The following ANO3 variants were observed in gnomAD, a reference collection of about 807,000 sequenced individuals.
The protein encoded by ANO3 is anoctamin-3.
ANO3 carries 99 observed loss-of-function variants against 144.8 expected under a neutral mutation model. That is an observed-to-expected ratio of 0.68 (90% confidence interval 0.58 to 0.81). The LOEUF is 0.81. Among genes scored for constraint, ANO3 ranks in the 30% least tolerant of loss-of-function variants. The probability of loss-of-function intolerance (pLI) is 0.00; values close to 1 mark genes in which losing one functional copy is unlikely to be tolerated. For missense variants in ANO3, 905 were observed against 1,202.2 expected, an observed-to-expected ratio of 0.75 and a Z score of 3.66; for synonymous variants, 414 against 392.6, an observed-to-expected ratio of 1.05 and a Z score of -0.64.
At chr11:26,277,416 A>C (rs1187277948) in intron 1 of ANO3, among the ~76,000 whole-genome samples, 1 of 152,078 alleles carries the variant, frequency 6.6e-6, no homozygotes, top group African/African-American at 2.4e-5. Flanking sequence ...GAATTCTCAT[A>C]TTGTCATCTT....
At chr11:26,659,163 A>G (rs1853798523) in intron 26 of ANO3, among the ~76,000 whole-genome samples, 1 of 129,850 alleles carries the variant, frequency 7.7e-6, no homozygotes, top group Admixed American at 8.0e-5. Context: ...TTGTGTGTGT[A>G]TGTGTATATA....
chr11:26,295,732 A>G (rs1048512858), intron 1 of ANO3, among the ~76,000 whole-genome samples: 10 of 152,292 alleles, frequency 6.6e-5, no homozygotes, highest in African/African-American at 2.4e-4. Flanking sequence ...AATTTTAAAG[A>G]CGTTTTTAAA....
intron 1 of ANO3, among the ~76,000 whole-genome samples, chr11:26,198,841 C>T (rs1481328014): frequency 6.6e-6 from 1 of 152,150 alleles, no homozygotes; most frequent in Non-Finnish European, 1.5e-5. Context: ...TGAGCCAGTA[C>T]GTTTCTTAAT....
At chr11:26,446,174 C>G (rs1324898238) in intron 3 of ANO3, among the ~76,000 whole-genome samples, 9 of 152,162 alleles carry the variant, frequency 5.9e-5, no homozygotes, top group Non-Finnish European at 1.0e-4. Context: ...CCTAATATGA[C>G]TGTTTTAATC....
chr11:26,641,844 A>T (rs1298114305), intron 21 of ANO3, 52 bp from the exon 22 acceptor site: 4 of 1,568,508 alleles, frequency 2.6e-6, no homozygotes, highest in Non-Finnish European at 3.5e-6. Context: ...TACATTGTTA[A>T]CCAGATGCTT....
At chr11:26,527,385 T>C (rs1849189108) in intron 7 of ANO3, among the ~76,000 whole-genome samples, 3 of 152,184 alleles carry the variant, frequency 2.0e-5, no homozygotes. Flanking sequence ...AACCTTACTC[T>C]AGCCCACCCC....
chr11:26,565,306 C>G (rs1426369497), intron 14 of ANO3: 1 of 1,609,558 alleles, frequency 6.2e-7, no homozygotes, highest in South Asian at 1.1e-5. Flanking sequence ...CTTGGTTCCA[C>G]TATCAAGGGG....
chr11:26,399,898 T>C (rs542066717), intron 1 of ANO3, among the ~76,000 whole-genome samples: 50 of 152,180 alleles, frequency 3.3e-4, no homozygotes, highest in Admixed American at 9.2e-4. Flanking sequence ...ATACATTATA[T>C]TGGCTTTTGG....
intron 5 of ANO3, among the ~76,000 whole-genome samples, chr11:26,515,034 A>G (rs180690882): frequency 4.3e-4 from 66 of 152,042 alleles, no homozygotes; most frequent in Non-Finnish European, 7.5e-4. Flanking sequence ...AATTATATAC[A>G]TTTTTCCCAA....
intron 1 of ANO3, among the ~76,000 whole-genome samples, chr11:26,224,681 T>A (rs1030857110): frequency 6.6e-6 from 1 of 152,344 alleles, no homozygotes; most frequent in East Asian, 1.9e-4. Context: ...AGCATCCTTT[T>A]GTCAAGGCTT....
intron 1 of ANO3, among the ~76,000 whole-genome samples, chr11:26,206,999 G>T (rs1453654512): frequency 3.9e-5 from 6 of 152,060 alleles, no homozygotes; most frequent in Non-Finnish European, 8.8e-5. Flanking sequence ...TTGTATGAGG[G>T]ATCTAAAACA....
At chr11:26,469,681 A>C (rs1859713256) in intron 4 of ANO3, among the ~76,000 whole-genome samples, 1 of 151,942 alleles carries the variant, frequency 6.6e-6, no homozygotes, top group Admixed American at 6.6e-5. Flanking sequence ...TCAGTGTCAA[A>C]ATTCTGATAA....
At chr11:26,189,569 A>T (rs1211716875) in intron 1 of ANO3, among the ~76,000 whole-genome samples, 2 of 152,224 alleles carry the variant, frequency 1.3e-5, no homozygotes, top group Admixed American at 1.3e-4. Flanking sequence ...CAGTAAACTC[A>T]GAAAAATGTT....
At chr11:26,563,539 G>A (rs1057323970) in intron 14 of ANO3, among the ~76,000 whole-genome samples, 5 of 151,826 alleles carry the variant, frequency 3.3e-5, no homozygotes, top group Middle Eastern at 3.4e-3. Context: ...CTCTATAGCC[G>A]TGTCTTGTGT....
chr11:26,660,186 T>G lies in ANO3; in HGVS notation c.2764-76T>G, dbSNP rs1392586371. ...GCTTGATTCAAGGCAAATGCAACATTGTTCATTGTTGTACTGTTTTATAAT... is the reference window on the plus strand; with the variant it reads ...GCTTGATTCAAGGCAAATGCAACATGGTTCATTGTTGTACTGTTTTATAAT... On this transcript the variant is annotated intron_variant, in intron 26 of 26. Transcript: ENST00000256737. 3 of 1,330,892 alleles carry G rather than the reference T, an allele frequency of 2.3e-6. No homozygotes were observed. In the African/African-American group the frequency reaches 4.4e-5, roughly 19 times the overall value. 82.4% of individuals were successfully genotyped at this position (1,330,892 alleles called of 1,614,324 possible).
rs369019475 is a variant in ANO3 at position 26,332,269 on chromosome 11, A to T, written c.-7A>T. 1.9e-6 allele frequency: 3 copies of T among 1,613,822 alleles called. No individual in the cohort carries two copies. Among genetic ancestry groups the T allele is most frequent in the Non-Finnish European group, 2.5e-6 (3 of 1,179,986 alleles). On this transcript the variant is annotated 5_prime_UTR_variant, in exon 1 of 27. Coordinates refer to ENST00000256737, the MANE Select transcript of ANO3 (RefSeq NM_031418.4). ...TCCCTAAGCCGGCTGGGACGCGCAG[A>T]GTGAAAATGGTCCACCATTCAGGCT...
rs563813919 is a variant in ANO3 at position 26,616,428 on chromosome 11, C to T, written c.1837-8034C>T. On this transcript the variant is annotated intron_variant, in intron 17 of 26. Transcript: ENST00000256737. Reference sequence around the variant, plus strand: ...TTATTGCCTTTAAAGGAACATCCTGCGTTTCTGGTTTTTTTTTTTTTTTTT... The same window carrying T: ...TTATTGCCTTTAAAGGAACATCCTGTGTTTCTGGTTTTTTTTTTTTTTTTT... Among the ~76,000 whole-genome samples the T allele has an allele frequency of 2.2e-4, 30 of 138,544 alleles. No homozygotes were observed. In the South Asian group the frequency reaches 2.3e-3, roughly 11 times the overall value. The allele number at this position is 138,544 out of a possible 152,430, so 90.9% of individuals were successfully genotyped here.
intron 3 of ANO3, among the ~76,000 whole-genome samples, chr11:26,447,925 C>T (rs1858761790): frequency 6.6e-6 from 1 of 152,166 alleles, no homozygotes; most frequent in Non-Finnish European, 1.5e-5. Flanking sequence ...ATGACAAGGA[C>T]ACAGTAATCC....
intron 4 of ANO3, among the ~76,000 whole-genome samples, chr11:26,502,207 G>GCAAAGTAAAATCGC (rs1565065023): frequency 6.6e-6 from 1 of 152,126 alleles, no homozygotes; most frequent in African/African-American, 2.4e-5. Context: ...CAATGTAAAT[G>GCAAAGTAAAATCGC]AATACATTAT....
Sources: gnomAD v4.1 joint callset for allele counts (sites outside exome capture counted in the v4.1 genomes callset) on GRCh38, gnomAD v4.1.1 for gene constraint, MANE v1.5 for transcripts, NCBI Gene and HGNC (gene_info 2026-07-23, HGNC 2026-07-21) for gene names.